Variants in PROM1 observed in about 807,000 individuals in gnomAD.
PROM1 encodes the protein prominin-1.
PROM1 carries 105 observed loss-of-function variants against 116.9 expected under a neutral mutation model. The observed-to-expected ratio is 0.90, with a 90% confidence interval of 0.77 to 1.06. The LOEUF (loss-of-function observed/expected upper bound fraction) is 1.06, where lower values mean the gene tolerates loss of function less well. PROM1 is among the 50% of genes least tolerant of loss of function. PROM1 has a pLI of 0.00. For missense variants in PROM1, 1,122 were observed against 1,045.2 expected (o/e 1.07, Z -1.01); for synonymous variants, 393 against 387.0 (o/e 1.02, Z -0.18).
At chr4:16,062,052 C>T (rs944298150) in intron 2 of PROM1, among the ~76,000 whole-genome samples, 81 of 151,984 alleles carry the variant, frequency 5.3e-4, no homozygotes, top group Non-Finnish European at 9.3e-4. Flanking sequence ...CCACCACGCC[C>T]GGCTAATTTT....
intron 8 of PROM1, among the ~76,000 whole-genome samples, chr4:16,021,332 A>G (rs1016699338): frequency 6.6e-6 from 1 of 152,232 alleles, no homozygotes; most frequent in Non-Finnish European, 1.5e-5. Flanking sequence ...CAAAAAGTAA[A>G]GGTATGCATC....
At chr4:15,999,705 A>C (rs59928247) in intron 14 of PROM1, among the ~76,000 whole-genome samples, 1,539 of 152,302 alleles carry the variant, frequency 0.01, 37 homozygotes, top group African/African-American at 0.035. Flanking sequence ...TGGTGATCTC[A>C]ACTTAATCTC....
Position 15,968,413 on chromosome 4 carries a change from T to C in PROM1, c.*980A>G, listed in dbSNP as rs991452557. On this transcript the variant is annotated 3_prime_UTR_variant, in exon 28 of 28. Transcript: ENST00000447510. ...ATGAAACTCCTGAAGCAAATGAATA[T>C]TTACCTTGTGCTTTCATGCAAATTT... is the stretch of plus-strand genomic sequence containing the variant. 1 of 152,184 alleles carries C rather than the reference T, an allele frequency of 6.6e-6. No homozygotes were observed. Among genetic ancestry groups the C allele is most frequent in the African/African-American group, 2.4e-5 (1 of 41,448 alleles). The allele number at this position is 152,184 out of a possible 1,614,324, so 9.4% of individuals were successfully genotyped here. A position where few individuals can be genotyped will look rare whatever the true frequency, so the allele number is the denominator to read the frequency against.
chr4:16,033,290 A>G lies in PROM1; in HGVS notation c.509+14T>C, dbSNP rs1733167379. On this transcript the variant is annotated intron_variant, in intron 5 of 27. Coordinates refer to ENST00000447510, the MANE Select transcript of PROM1 (RefSeq NM_006017.3). ...CCTAAAACACAATCAGTTGTTGTCC[A>G]ATATTGTACTTGCCTTATTATTATA... 2 of 1,594,432 alleles carry G rather than the reference A, an allele frequency of 1.3e-6. No individual in the cohort carries two copies. The highest frequency in any genetic ancestry group is 1.3e-5 in the African/African-American group (1 of 74,430).
intron 1 of PROM1, among the ~76,000 whole-genome samples, chr4:16,081,068 TA>T (rs112187636): frequency 1.9e-3 from 283 of 150,904 alleles, no homozygotes; most frequent in African/African-American, 6.4e-3. Context: ...TATGTATATA[TA>T]TTTTTTTATT....
chr4:16,023,108 C>CT (rs386399360), intron 8 of PROM1, among the ~76,000 whole-genome samples: 3 of 138 alleles, frequency 0.022, no homozygotes, highest in African/African-American at 0.062. Flanking sequence ...ACAAATTCCG[C>CT]CCTATCATCT....
In PROM1 at chr4:16,018,415, C is replaced by T. The variant is rs900068598; in HGVS notation, c.910G>A (p.Asp304Asn). 1 of 1,613,770 alleles carries T rather than the reference C, an allele frequency of 6.2e-7. No individual in the cohort carries two copies. The change falls in exon 9 of 28, where the codon GAC (aspartate) becomes AAC (asparagine). Residue 304 changes from aspartate (D) to asparagine (N), a missense_variant. By Grantham distance (23) the Asp-to-Asn change is conservative. Transcript: ENST00000447510. ...VKTSLRSSLN[D>N]PLCLVHPSSE... ...GATGGATGCACCAAGCACAGAGGGTCATTGAGAGATGACCGCAGGCTAGTT... is the reference window on the plus strand; with the variant it reads ...GATGGATGCACCAAGCACAGAGGGTTATTGAGAGATGACCGCAGGCTAGTT...
intron 2 of PROM1, among the ~76,000 whole-genome samples, chr4:16,074,088 A>C (rs1386544851): frequency 1.3e-5 from 2 of 152,212 alleles, no homozygotes; most frequent in African/African-American, 4.8e-5. Flanking sequence ...AAAACCAAGA[A>C]GCAAAGACTA....
At chr4:16,038,546 G>T (rs990698806) in intron 3 of PROM1, among the ~76,000 whole-genome samples, 2 of 152,100 alleles carry the variant, frequency 1.3e-5, no homozygotes, top group African/African-American at 4.8e-5. Flanking sequence ...GGGACTACAG[G>T]CGAGTGCCAC....
At chr4:15,987,940 G>A (rs1411947056) in intron 19 of PROM1, among the ~76,000 whole-genome samples, 3 of 144,778 alleles carry the variant, frequency 2.1e-5, no homozygotes, top group Non-Finnish European at 4.5e-5. Context: ...GCAGTGGCAC[G>A]ATCTCAGCTC....
At chr4:16,037,764 T>C (rs1296505406) in intron 3 of PROM1, among the ~76,000 whole-genome samples, 2 of 152,176 alleles carry the variant, frequency 1.3e-5, no homozygotes, top group Non-Finnish European at 1.5e-5. Context: ...CTACACACTT[T>C]TGTCTGTTTG....
chr4:16,033,587 T>TTC, intron 4 of PROM1, 78 bp from the exon 5 acceptor site: 1 of 505,908 alleles, frequency 2.0e-6, no homozygotes, highest in South Asian at 6.5e-5. Flanking sequence ...TACAAAGTTC[T>TTC]TTTTTTTTTT....
chr4:16,024,259 G>GA (rs773505279), intron 7 of PROM1, 36 bp downstream of exon 7: 38 of 1,573,872 alleles, frequency 2.4e-5, no homozygotes, highest in African/African-American at 6.8e-5. Flanking sequence ...TCAAAACAAA[G>GA]AAAAAAAATG....
At chr4:16,046,657 A>C (rs1466188856) in intron 2 of PROM1, among the ~76,000 whole-genome samples, 1 of 152,210 alleles carries the variant, frequency 6.6e-6, no homozygotes, top group Non-Finnish European at 1.5e-5. Context: ...ATTTTAACTT[A>C]TTTAAGACAT....
intron 8 of PROM1, 59 bp downstream of exon 8, chr4:16,023,267 T>G: frequency 7.0e-7 from 1 of 1,422,840 alleles, no homozygotes; most frequent in Non-Finnish European, 9.7e-7. Flanking sequence ...TGAGCAAGCC[T>G]GCCAAGCCCA....
chr4:16,038,180 C>T (rs1040783604), intron 3 of PROM1, among the ~76,000 whole-genome samples: 3 of 152,124 alleles, frequency 2.0e-5, no homozygotes, highest in Non-Finnish European at 4.4e-5. Context: ...TCCTTATCTC[C>T]ACCTTCCTTC....
chr4:15,992,763 C>T (rs115966871), intron 16 of PROM1, among the ~76,000 whole-genome samples: 19 of 152,286 alleles, frequency 1.2e-4, no homozygotes, highest in African/African-American at 3.4e-4. Flanking sequence ...AAGCCTCCAG[C>T]TTTGACAAAC....
intron 20 of PROM1, 29 bp downstream of exon 20, chr4:15,987,634 C>T (rs1461902654): frequency 1.3e-6 from 2 of 1,597,620 alleles, no homozygotes; most frequent in Non-Finnish European, 1.7e-6. Context: ...TAACAAAACC[C>T]CATGACAGAA....
intron 4 of PROM1, among the ~76,000 whole-genome samples, chr4:16,034,818 T>C (rs900302544): frequency 2.0e-5 from 3 of 152,222 alleles, no homozygotes; most frequent in Non-Finnish European, 4.4e-5. Flanking sequence ...AGACCTGCTT[T>C]ACATCCCAGC....
Sources: gnomAD v4.1 joint callset for allele counts (sites outside exome capture counted in the v4.1 genomes callset) on GRCh38, gnomAD v4.1.1 for gene constraint, MANE v1.5 for transcripts, NCBI Gene and HGNC (gene_info 2026-07-23, HGNC 2026-07-21) for gene names.